MDGA2: variants seen among roughly 807,000 people sequenced by gnomAD.
MDGA2 encodes MAM domain-containing glycosylphosphatidylinositol anchor protein 2.
In MDGA2, 40 loss-of-function variants were observed where a neutral mutation model predicts 117.8. The ratio of observed to expected loss-of-function variants is 0.34; its 90% CI spans 0.26 to 0.44. The LOEUF (loss-of-function observed/expected upper bound fraction) is 0.44, where lower values mean the gene tolerates loss of function less well. Among genes scored for constraint, MDGA2 ranks in the 20% least tolerant of loss-of-function variants. The probability of loss-of-function intolerance (pLI) is 1.00; values close to 1 mark genes in which losing one functional copy is unlikely to be tolerated. For synonymous variants in MDGA2, 452 were observed against 439.0 expected (o/e 1.03, Z -0.37); for missense variants, 1,123 against 1,250.6 (o/e 0.90, Z 1.54).
At chr14:46,926,943 ATG>A (rs923186285) in intron 9 of MDGA2, among the ~76,000 whole-genome samples, 4 of 152,174 alleles carry the variant, frequency 2.6e-5, no homozygotes, top group Admixed American at 6.5e-5. Flanking sequence ...GCTGATCAAC[ATG>A]TGTCTTCTGA....
chr14:47,342,130 C>A (rs535720000), intron 1 of MDGA2, among the ~76,000 whole-genome samples: 1 of 152,056 alleles, frequency 6.6e-6, no homozygotes, highest in East Asian at 1.9e-4. Flanking sequence ...GGGTTACAGG[C>A]GTGAGCCACT....
intron 1 of MDGA2, among the ~76,000 whole-genome samples, chr14:47,316,110 G>C (rs572113848): frequency 6.6e-6 from 1 of 151,982 alleles, no homozygotes; most frequent in East Asian, 1.9e-4. Context: ...TATATAATGG[G>C]GATGATATGG....
At chr14:47,547,323 CT>C (rs1895483243) in intron 1 of MDGA2, among the ~76,000 whole-genome samples, 1 of 152,152 alleles carries the variant, frequency 6.6e-6, no homozygotes, top group South Asian at 2.1e-4. Flanking sequence ...GCTTTGAAAC[CT>C]TTGAACACTA....
At chr14:47,331,134 A>G (rs1160534631) in intron 1 of MDGA2, among the ~76,000 whole-genome samples, 3 of 151,864 alleles carry the variant, frequency 2.0e-5, no homozygotes, top group Admixed American at 6.6e-5. Context: ...ATTAGAGATC[A>G]ATGAAAAGTT....
intron 5 of MDGA2, among the ~76,000 whole-genome samples, chr14:47,102,513 T>C (rs1262819044): frequency 1.3e-5 from 2 of 152,132 alleles, no homozygotes; most frequent in East Asian, 3.9e-4. Context: ...GGCACAGCAG[T>C]TGATTTGGGC....
intron 7 of MDGA2, among the ~76,000 whole-genome samples, chr14:47,040,755 C>T (rs1273378955): frequency 6.6e-6 from 1 of 152,158 alleles, no homozygotes; most frequent in Non-Finnish European, 1.5e-5. Flanking sequence ...TTCCTGACTA[C>T]ACACTACGTT....
chr14:47,189,942 TA>T (rs1439785268), intron 3 of MDGA2, among the ~76,000 whole-genome samples: 1 of 152,190 alleles, frequency 6.6e-6, no homozygotes, highest in Non-Finnish European at 1.5e-5. Context: ...AATGCCCTAG[TA>T]AAATGTCACT....
intron 1 of MDGA2, among the ~76,000 whole-genome samples, chr14:47,595,934 A>G (rs73262365): frequency 0.023 from 3,548 of 152,286 alleles, 136 homozygotes; most frequent in African/African-American, 0.078. Context: ...GGAATGAAAC[A>G]AGCCAAATAT....
At chr14:46,992,322 C>A (rs1013226023) in intron 8 of MDGA2, among the ~76,000 whole-genome samples, 1 of 151,938 alleles carries the variant, frequency 6.6e-6, no homozygotes, top group African/African-American at 2.4e-5. Context: ...TATTCAAAAG[C>A]AAAAATAAAA....
At chr14:47,639,496 T>C (rs1343856184) in intron 1 of MDGA2, among the ~76,000 whole-genome samples, 2 of 152,140 alleles carry the variant, frequency 1.3e-5, no homozygotes, top group Admixed American at 6.5e-5. Flanking sequence ...CAGTTACTCA[T>C]GGGCTCCAGC....
At chr14:47,053,784 T>C (rs1471852186) in intron 7 of MDGA2, among the ~76,000 whole-genome samples, 1 of 151,688 alleles carries the variant, frequency 6.6e-6, no homozygotes, top group Non-Finnish European at 1.5e-5. Context: ...CTGATTGAAG[T>C]TGAAAAGGGA....
chr14:47,030,189 A>T (rs1419188800), intron 8 of MDGA2, among the ~76,000 whole-genome samples: 1 of 152,054 alleles, frequency 6.6e-6, no homozygotes, highest in Non-Finnish European at 1.5e-5. Flanking sequence ...TATAATTAAT[A>T]TTCAAACAAT....
intron 3 of MDGA2, among the ~76,000 whole-genome samples, chr14:47,159,548 C>T (rs1473127457): frequency 2.6e-5 from 4 of 152,166 alleles, no homozygotes; most frequent in Admixed American, 2.0e-4. Flanking sequence ...TGCCTGATTG[C>T]TTTCCAAAAG....
At chr14:47,240,695 A>T (rs1306672725) in intron 2 of MDGA2, among the ~76,000 whole-genome samples, 2 of 151,942 alleles carry the variant, frequency 1.3e-5, no homozygotes, top group African/African-American at 4.8e-5. Context: ...ATGTCTTAGA[A>T]TATTGCACAC....
intron 2 of MDGA2, among the ~76,000 whole-genome samples, chr14:47,241,442 A>G (rs1887037325): frequency 6.6e-6 from 1 of 151,868 alleles, no homozygotes; most frequent in African/African-American, 2.4e-5. Flanking sequence ...ATTCCTTCAC[A>G]GGATAGAAGA....
intron 1 of MDGA2, among the ~76,000 whole-genome samples, chr14:47,367,841 A>G (rs949573279): frequency 6.6e-6 from 1 of 152,192 alleles, no homozygotes; most frequent in Non-Finnish European, 1.5e-5. Context: ...AAGATTATCT[A>G]TTACTAAAGC....
chr14:47,633,290 AGAGATGAG>A (rs1897270170), intron 1 of MDGA2, among the ~76,000 whole-genome samples: 2 of 152,158 alleles, frequency 1.3e-5, no homozygotes, highest in African/African-American at 4.8e-5. Context: ...CACCTGACAC[AGAGATGAG>A]CCCATAAGAA....
intron 1 of MDGA2, among the ~76,000 whole-genome samples, chr14:47,426,535 T>C (rs1347219143): frequency 2.0e-5 from 3 of 151,828 alleles, no homozygotes; most frequent in Non-Finnish European, 2.9e-5. Context: ...TGGAAGTTAC[T>C]AGTATTACTA....
intron 1 of MDGA2, among the ~76,000 whole-genome samples, chr14:47,550,435 T>C (rs1895558728): frequency 6.6e-6 from 1 of 152,192 alleles, no homozygotes; most frequent in African/African-American, 2.4e-5. Flanking sequence ...GAATCAACAG[T>C]ATCAAGCATA....
Sources: gnomAD v4.1 joint callset for allele counts (sites outside exome capture counted in the v4.1 genomes callset) on GRCh38, gnomAD v4.1.1 for gene constraint, MANE v1.5 for transcripts, NCBI Gene and HGNC (gene_info 2026-07-23, HGNC 2026-07-21) for gene names.